Variants in LRRC37A observed in about 807,000 individuals in gnomAD.
LRRC37A encodes leucine rich repeat containing 37A, also known as leucine-rich repeat-containing protein 37A.
LRRC37A carries 3 observed loss-of-function variants against 35.4 expected under a neutral mutation model. That is an observed-to-expected ratio of 0.08 (90% CI 0.04 to 0.22). The LOEUF (loss-of-function observed/expected upper bound fraction) is 0.22, where lower values mean the gene tolerates loss of function less well. Among genes scored for constraint, LRRC37A ranks in the 10% least tolerant of loss-of-function variants. LRRC37A has a pLI of 1.00. For synonymous variants in LRRC37A, 23 were observed against 215.0 expected, an observed-to-expected ratio of 0.11 and a Z score of 7.81; for missense variants, 67 against 565.3, an observed-to-expected ratio of 0.12 and a Z score of 8.94.
At chr17:46,249,585 C>G in the LRRC37A span, among the ~76,000 whole-genome samples, 2 of 152,144 alleles carry the variant, frequency 1.3e-5, no homozygotes, top group East Asian at 1.9e-4. Flanking sequence ...TTGTTGCCAA[C>G]AATGGAAACA....
chr17:46,269,595 C>A, the LRRC37A span, among the ~76,000 whole-genome samples: 1 of 152,184 alleles, frequency 6.6e-6, no homozygotes, highest in Non-Finnish European at 1.5e-5. Flanking sequence ...TAAAAAAGTG[C>A]CAAAGGGCTT....
chr17:46,268,696 A>G, the LRRC37A span: 1 of 1,472,676 alleles, frequency 6.8e-7, no homozygotes, highest in South Asian at 1.4e-5. Context: ...TGCATTTGAA[A>G]CAACCATCCT....
chr17:46,264,632 AT>A, the LRRC37A span, among the ~76,000 whole-genome samples: 1 of 152,226 alleles, frequency 6.6e-6, no homozygotes, highest in Non-Finnish European at 1.5e-5. Flanking sequence ...GGCTACATAG[AT>A]CAGTCTCTTT....
the LRRC37A span, among the ~76,000 whole-genome samples, chr17:46,266,745 G>C: frequency 6.6e-6 from 1 of 152,118 alleles, no homozygotes; most frequent in Non-Finnish European, 1.5e-5. Context: ...CGGGGATCTG[G>C]GGAGGGGGCG....
the LRRC37A span, among the ~76,000 whole-genome samples, chr17:46,273,770 C>T: frequency 4.5e-4 from 68 of 152,302 alleles, no homozygotes; most frequent in Middle Eastern, 3.4e-3. Context: ...CTTCCTACTG[C>T]TTACACTACT....
the LRRC37A span, chr17:46,267,566 G>T: frequency 6.2e-7 from 1 of 1,612,212 alleles, no homozygotes; most frequent in Admixed American, 1.7e-5. Context: ...TTATACCACC[G>T]TTTGTAACGT....
chr17:46,290,677 C>A (rs1412407295), upstream of LRRC37A, among the ~76,000 whole-genome samples: 3 of 152,220 alleles, frequency 2.0e-5, no homozygotes, highest in Non-Finnish European at 2.9e-5. Context: ...GAACTCCTGA[C>A]CTCAAGTGAT....
chr17:46,257,663 A>C, the LRRC37A span, among the ~76,000 whole-genome samples: 1 of 151,446 alleles, frequency 6.6e-6, no homozygotes, highest in Non-Finnish European at 1.5e-5. Flanking sequence ...AAAAAAAAAA[A>C]AAAAACACCA....
upstream of LRRC37A, among the ~76,000 whole-genome samples, chr17:46,291,985 A>AAAAAAAAAACAAAAAAC (rs1360524355): frequency 1.3e-5 from 1 of 76,592 alleles, no homozygotes. Flanking sequence ...AAAAAAAAAA[A>AAAAAAAAAACAAAAAAC]AAGCCAATAA....
chr17:46,279,152 T>C, the LRRC37A span, among the ~76,000 whole-genome samples: 1 of 151,978 alleles, frequency 6.6e-6, no homozygotes, highest in East Asian at 1.9e-4. Flanking sequence ...CTATACCACC[T>C]AGTCCTTTGC....
At chr17:46,256,389 GTC>G in the LRRC37A span, among the ~76,000 whole-genome samples, 1 of 152,118 alleles carries the variant, frequency 6.6e-6, no homozygotes, top group South Asian at 2.1e-4. Context: ...CATCTGGAGA[GTC>G]TCTGTCTCAA....
At chr17:46,271,984 A>T in the LRRC37A span, among the ~76,000 whole-genome samples, 1 of 152,088 alleles carries the variant, frequency 6.6e-6, no homozygotes, top group Non-Finnish European at 1.5e-5. Context: ...CAGGTCTCTA[A>T]CTCCTGACCT....
At chr17:46,272,484 G>A in the LRRC37A span, among the ~76,000 whole-genome samples, 8 of 152,022 alleles carry the variant, frequency 5.3e-5, no homozygotes, top group African/African-American at 1.5e-4. Context: ...GCGTGATCAC[G>A]GCTCACTGCA....
the LRRC37A span, among the ~76,000 whole-genome samples, chr17:46,255,833 G>A: frequency 1.3e-5 from 2 of 151,924 alleles, no homozygotes; most frequent in Non-Finnish European, 2.9e-5. Context: ...CCGCCACCAC[G>A]CCTGGCTAAT....
chr17:46,253,293 C>T, the LRRC37A span, among the ~76,000 whole-genome samples: 2 of 151,586 alleles, frequency 1.3e-5, no homozygotes, highest in African/African-American at 2.4e-5. Context: ...AGACGCTCCT[C>T]CCTTTCCAGA....
At chr17:46,260,094 G>A in the LRRC37A span, 1 of 1,583,410 alleles carries the variant, frequency 6.3e-7, no homozygotes, top group Non-Finnish European at 8.5e-7. Flanking sequence ...GTCCGGGGCT[G>A]GGCAGCAGCC....
the LRRC37A span, chr17:46,259,601 C>T: frequency 3.1e-6 from 5 of 1,612,254 alleles, no homozygotes; most frequent in South Asian, 1.1e-5. Context: ...AGGAGGTTGG[C>T]CCCAGACTCA....
chr17:46,282,159 G>A, the LRRC37A span, among the ~76,000 whole-genome samples: 4 of 151,964 alleles, frequency 2.6e-5, no homozygotes, highest in Non-Finnish European at 4.4e-5. Flanking sequence ...CTGGAGTGCA[G>A]TGGCGCAATC....
At chr17:46,286,658 A>G in the LRRC37A span, among the ~76,000 whole-genome samples, 2 of 152,262 alleles carry the variant, frequency 1.3e-5, no homozygotes, top group Non-Finnish European at 2.9e-5. Flanking sequence ...AAAGAGAAAA[A>G]AAAATGAAAA....
Sources: gnomAD v4.1 joint callset for allele counts (sites outside exome capture counted in the v4.1 genomes callset) on GRCh38, gnomAD v4.1.1 for gene constraint, MANE v1.5 for transcripts, NCBI Gene and HGNC (gene_info 2026-07-23, HGNC 2026-07-21) for gene names.